SIL1: variants seen among roughly 807,000 people sequenced by gnomAD.
SIL1 encodes the protein nucleotide exchange factor SIL1.
A neutral mutation model predicts 49.1 loss-of-function variants in SIL1; 40 were observed. That is an observed-to-expected ratio of 0.81 (90% CI 0.63 to 1.06). The LOEUF (loss-of-function observed/expected upper bound fraction) is 1.06. Ranked by LOEUF, SIL1 falls within the 50% of genes least tolerant of loss-of-function variation. The pLI is 0.00. For synonymous variants in SIL1, 253 were observed against 250.8 expected (o/e 1.01, Z -0.08); for missense variants, 500 against 572.6 (o/e 0.87, Z 1.29).
intron 3 of SIL1, among the ~76,000 whole-genome samples, chr5:139,096,987 C>G (rs976143300): frequency 9.2e-5 from 14 of 152,130 alleles, no homozygotes; most frequent in Admixed American, 6.5e-4. Flanking sequence ...CCAGGCCAGG[C>G]AGCATTTACC....
At chr5:139,143,306 T>TATACAC (rs1462473659) in intron 1 of SIL1, among the ~76,000 whole-genome samples, 4 of 123,728 alleles carry the variant, frequency 3.2e-5, no homozygotes, top group African/African-American at 1.4e-4. Flanking sequence ...TATACATATA[T>TATACAC]ACACACACAC....
intron 1 of SIL1, among the ~76,000 whole-genome samples, chr5:139,160,289 T>G (rs148590049): frequency 6.6e-5 from 10 of 151,958 alleles, no homozygotes; most frequent in Non-Finnish European, 1.3e-4. Flanking sequence ...AACACTCCTT[T>G]GAAGAACTGC....
chr5:139,151,275 G>T (rs957490308), intron 1 of SIL1, among the ~76,000 whole-genome samples: 1 of 152,122 alleles, frequency 6.6e-6, no homozygotes, highest in African/African-American at 2.4e-5. Context: ...AGAAGACCCT[G>T]CTCAAAACTC....
intron 9 of SIL1, 41 bp downstream of exon 9, chr5:138,951,130 C>A (rs752347371): frequency 6.1e-5 from 98 of 1,601,740 alleles, no homozygotes; most frequent in Non-Finnish European, 8.2e-5. Context: ...GAAGCACACA[C>A]AAAGCAAACA....
chr5:139,005,608 C>A (rs1166143004), intron 7 of SIL1, among the ~76,000 whole-genome samples: 1 of 99,950 alleles, frequency 1.0e-5, no homozygotes, highest in Non-Finnish European at 2.0e-5. Context: ...CCCCCTCCCC[C>A]CACCCCACCA....
chr5:139,009,365 T>C (rs1314235944), intron 7 of SIL1, among the ~76,000 whole-genome samples: 1 of 148,166 alleles, frequency 6.7e-6, no homozygotes, highest in Non-Finnish European at 1.5e-5. Context: ...TCTCTGCACG[T>C]GAGATGGGTT....
chr5:139,046,930 C>T (rs1769179098), intron 4 of SIL1, among the ~76,000 whole-genome samples: 1 of 152,210 alleles, frequency 6.6e-6, no homozygotes, highest in African/African-American at 2.4e-5. Flanking sequence ...TAATATCTTA[C>T]TTCTGTGCTT....
chr5:139,161,472 G>A (rs892502556), intron 1 of SIL1, among the ~76,000 whole-genome samples: 1 of 152,174 alleles, frequency 6.6e-6, no homozygotes, highest in Non-Finnish European at 1.5e-5. Context: ...CATGAGTAGA[G>A]ACCAGTATCT....
chr5:138,982,693 G>A (rs956485069), intron 7 of SIL1, among the ~76,000 whole-genome samples: 2 of 152,164 alleles, frequency 1.3e-5, no homozygotes, highest in Admixed American at 6.5e-5. Flanking sequence ...TGGTCTCTGC[G>A]GCCCTCTGCA....
At chr5:138,949,344 AC>A (rs1234572533) in intron 9 of SIL1, among the ~76,000 whole-genome samples, 1 of 152,040 alleles carries the variant, frequency 6.6e-6, no homozygotes, top group Non-Finnish European at 1.5e-5. Context: ...AGACCCCAGC[AC>A]CCTGATGGGG....
intron 1 of SIL1, among the ~76,000 whole-genome samples, chr5:139,169,057 G>C (rs1032377838): frequency 6.6e-6 from 1 of 152,154 alleles, no homozygotes; most frequent in Non-Finnish European, 1.5e-5. Flanking sequence ...GGGATGGGAG[G>C]ATTGCATGAG....
intron 7 of SIL1, among the ~76,000 whole-genome samples, chr5:139,003,675 G>A (rs1318972099): frequency 6.6e-6 from 1 of 152,064 alleles, no homozygotes; most frequent in Non-Finnish European, 1.5e-5. Context: ...GCAAAACCAA[G>A]GAGGACATTA....
chr5:139,122,552 A>ACCACC (rs1335405097), intron 2 of SIL1, among the ~76,000 whole-genome samples: 1 of 151,738 alleles, frequency 6.6e-6, no homozygotes, highest in African/African-American at 2.4e-5. Flanking sequence ...CTGAGATGGC[A>ACCACC]CCACCACACT....
chr5:139,076,144 AGTTT>A (rs1769943913), intron 3 of SIL1, among the ~76,000 whole-genome samples: 1 of 152,182 alleles, frequency 6.6e-6, no homozygotes, highest in African/African-American at 2.4e-5. Context: ...CACAGACATC[AGTTT>A]ATTTCACTTT....
intron 7 of SIL1, among the ~76,000 whole-genome samples, chr5:138,956,563 G>A (rs150636896): frequency 6.5e-4 from 99 of 152,190 alleles, no homozygotes; most frequent in Non-Finnish European, 1.1e-3. Context: ...GGCCAACATG[G>A]TGAAACCCCG....
chr5:139,050,760 C>T (rs1428214480), intron 4 of SIL1, among the ~76,000 whole-genome samples, 178 bp downstream of exon 4: 1 of 152,190 alleles, frequency 6.6e-6, no homozygotes, highest in Non-Finnish European at 1.5e-5. Context: ...TGCAAACTAT[C>T]TCTTTCCAAA....
At chr5:138,994,658 T>A (rs1197313585) in intron 7 of SIL1, among the ~76,000 whole-genome samples, 1 of 152,214 alleles carries the variant, frequency 6.6e-6, no homozygotes, top group Non-Finnish European at 1.5e-5. Context: ...TTTAAATTAA[T>A]AAATAATAGA....
intron 1 of SIL1, among the ~76,000 whole-genome samples, chr5:139,187,427 G>A (rs748790983): frequency 2.6e-5 from 4 of 151,832 alleles, no homozygotes; most frequent in Non-Finnish European, 5.9e-5. Flanking sequence ...TGAGGCAGGA[G>A]TATCACTGGA....
At chr5:138,982,770 T>C (rs1767556596) in intron 7 of SIL1, among the ~76,000 whole-genome samples, 1 of 152,194 alleles carries the variant, frequency 6.6e-6, no homozygotes, top group African/African-American at 2.4e-5. Context: ...TTTAGCAAAG[T>C]TAACCTTTTA....
Sources: gnomAD v4.1 joint callset for allele counts (sites outside exome capture counted in the v4.1 genomes callset) on GRCh38, gnomAD v4.1.1 for gene constraint, MANE v1.5 for transcripts, NCBI Gene and HGNC (gene_info 2026-07-23, HGNC 2026-07-21) for gene names.